The following ATM variants were observed in gnomAD, a reference collection of about 807,000 sequenced individuals.
ATM encodes the protein ATM serine/threonine kinase.
ATM carries 308 observed loss-of-function variants against 387.0 expected under a neutral mutation model. That is an observed-to-expected ratio of 0.80 (90% CI 0.73 to 0.87). ATM has a LOEUF of 0.87. ATM is among the 40% of genes least tolerant of loss of function. ATM has a pLI of 0.00. For missense variants in ATM, 3,312 were observed against 3,560.9 expected (o/e 0.93, Z 1.78); for synonymous variants, 1,156 against 1,187.3 (o/e 0.97, Z 0.54).
intron 39 of ATM, 43 bp downstream of exon 39, chr11:108,310,358 C>T (rs2136022041): frequency 1.3e-6 from 2 of 1,559,430 alleles, no homozygotes; most frequent in Non-Finnish European, 8.8e-7. Context: ...TTAATGTTGG[C>T]ATTGTCTCAA....
intron 61 of ATM, among the ~76,000 whole-genome samples, chr11:108,359,844 G>T (rs999980871): frequency 3.9e-5 from 6 of 152,004 alleles, no homozygotes; most frequent in African/African-American, 1.5e-4. Flanking sequence ...AGAGAAAGCA[G>T]GAAAGATCCA....
chr11:108,312,003 G>A (rs1265889128), intron 39 of ATM, among the ~76,000 whole-genome samples: 1 of 152,124 alleles, frequency 6.6e-6, no homozygotes, highest in Non-Finnish European at 1.5e-5. Context: ...AATATCAGAT[G>A]TCTTAAATTT....
rs199635238 is a variant in ATM at position 108,271,321 on chromosome 11, G to A, written c.2992G>A (p.Val998Met). The A allele has an allele frequency of 1.9e-6, 3 of 1,613,412 alleles. No individual in the cohort carries two copies. The Admixed American group carries it at 5.0e-5, about 27-fold the overall frequency. ...TATTTTAAACCATGTCCTTCATGTAGTGAAAAACCTAGGTCAAAGCAATAT... is the reference window on the plus strand; with the variant it reads ...TATTTTAAACCATGTCCTTCATGTAATGAAAAACCTAGGTCAAAGCAATAT... ...KTILNHVLHV[V>M]KNLGQSNMDS... The change falls in exon 20 of 63, where the codon GTG (valine) becomes ATG (methionine). Residue 998 changes from valine to methionine, a missense_variant. Around this residue, in one of 4 missense-constraint regions of ATM, gnomAD observed 1,791 missense variants for 1,804.5 expected, o/e 0.99. Coordinates refer to ENST00000675843, the MANE Select transcript of ATM (RefSeq NM_000051.4).
intron 47 of ATM, among the ~76,000 whole-genome samples, chr11:108,326,743 G>A (rs987689817): frequency 1.3e-5 from 2 of 152,222 alleles, no homozygotes; most frequent in African/African-American, 2.4e-5. Context: ...AGAGGCATTG[G>A]TGTCCCCAAG....
At chr11:108,239,416 G>T (rs533647141) in intron 5 of ATM, among the ~76,000 whole-genome samples, 37 of 152,256 alleles carry the variant, frequency 2.4e-4, no homozygotes, top group Non-Finnish European at 4.1e-4. Flanking sequence ...TTTGCAACCT[G>T]CTTATTACAC....
chr11:108,229,347 A>G, intron 4 of ATM, 24 bp downstream of exon 4: 2 of 1,605,966 alleles, frequency 1.2e-6, no homozygotes, highest in Non-Finnish European at 1.7e-6. Flanking sequence ...TAAATTATAA[A>G]TAAATGGCTT....
At position 108,251,999 on chromosome 11, in the gene ATM, A is replaced by C; in HGVS notation, c.1770A>C (p.Glu590Asp). 1 of 1,613,314 alleles carries C rather than the reference A, an allele frequency of 6.2e-7. No individual in the cohort carries two copies. The highest frequency in any genetic ancestry group is 2.2e-5 in the East Asian group (1 of 44,850). ...LLFYQLEGDL[E>D]NSTEVPPILH... is the part of the protein sequence containing the mutation. Reference sequence around the variant, plus strand: ...TCTATCAGTTAGAGGGTGACTTAGAAAATAGCACAGAAGTGCCTCCAATTC... The same window carrying C: ...TCTATCAGTTAGAGGGTGACTTAGACAATAGCACAGAAGTGCCTCCAATTC... Residue 590 changes from glutamate (E) to aspartate (D), a missense_variant, in exon 11 of 63, where the codon GAA becomes GAC. Glu to Asp is a conservative substitution (Grantham distance 45, BLOSUM62 2). Transcript: ENST00000675843.
At chr11:108,231,812 A>G (rs1278271396) in intron 4 of ATM, among the ~76,000 whole-genome samples, 2 of 152,042 alleles carry the variant, frequency 1.3e-5, no homozygotes, top group African/African-American at 4.8e-5. Context: ...ACTTGAGTCC[A>G]AAGAATAATG....
Position 108,299,890 on chromosome 11 carries a change from GTATT to G in ATM, c.5177+10_5177+13del. Reference sequence around the variant, plus strand: ...TAACACACTGGTAGAAGATTGGTGAGTATTTATTGATACCTTATATGTAATCTCA... The same window carrying G: ...TAACACACTGGTAGAAGATTGGTGAGTATTGATACCTTATATGTAATCTCA... On this transcript the variant is annotated splice_donor_region_variant and intron_variant, in intron 34 of 62. Transcript: ENST00000675843. 1 of 1,611,474 alleles carries G rather than the reference GTATT, an allele frequency of 6.2e-7. No homozygotes were observed. Among genetic ancestry groups the G allele is most frequent in the Non-Finnish European group, 8.5e-7 (1 of 1,177,928 alleles).
chr11:108,359,436 C>A (rs1299311979), intron 61 of ATM, among the ~76,000 whole-genome samples: 1 of 152,080 alleles, frequency 6.6e-6, no homozygotes, highest in Non-Finnish European at 1.5e-5. Context: ...CAGCTCTGCA[C>A]CAAGCGGACC....
chr11:108,307,066 T>TA (rs1288539052), intron 37 of ATM, among the ~76,000 whole-genome samples: 3 of 152,182 alleles, frequency 2.0e-5, no homozygotes, highest in Admixed American at 2.0e-4. Flanking sequence ...CAGATATTAT[T>TA]ATTATTGCCT....
At chr11:108,261,458 A>C (rs2080881210) in intron 16 of ATM, among the ~76,000 whole-genome samples, 1 of 152,342 alleles carries the variant, frequency 6.6e-6, no homozygotes, top group East Asian at 1.9e-4. Context: ...AACAGAAAGG[A>C]CATCCACACC....
At chr11:108,359,785 A>C (rs1349489458) in intron 61 of ATM, among the ~76,000 whole-genome samples, 1 of 152,190 alleles carries the variant, frequency 6.6e-6, no homozygotes, top group Non-Finnish European at 1.5e-5. Context: ...TCTCTGGGAC[A>C]CATTCAAAGC....
chr11:108,289,229 A>C, intron 28 of ATM, 126 bp downstream of exon 28: 1 of 970,260 alleles, frequency 1.0e-6, no homozygotes, highest in South Asian at 1.7e-5. Context: ...AAAAAGGAAA[A>C]CATTCATTTA....
rs786203048 is a variant in ATM, at chr11:108,281,007, G to A, written c.3415G>A (p.Glu1139Lys). 6.2e-7 allele frequency: 1 copy of A among 1,611,566 alleles called. No homozygotes were observed. Among genetic ancestry groups the A allele is most frequent in the Admixed American group, 1.7e-5 (1 of 59,958 alleles). Residue 1139 changes from glutamate to lysine, a missense_variant, in exon 24 of 63, where the codon GAG becomes AAG. Coordinates refer to ENST00000675843, the MANE Select transcript of ATM (RefSeq NM_000051.4). Reference sequence around the variant, plus strand: ...ATTTCTTTTTAAGTCCCATAGTGCTGAGAACCCTGAAACTTTGGATGAAAT... The same window carrying A: ...ATTTCTTTTTAAGTCCCATAGTGCTAAGAACCCTGAAACTTTGGATGAAAT... The part of the protein sequence containing the change: ...EGMREMSHSA[E>K]NPETLDEIYN...
Position 108,325,294 on chromosome 11 carries a change from A to ATG in ATM, c.6573-14_6573-13dup, listed in dbSNP as rs780211007. The ATG allele has an allele frequency of 1.7e-6, 2 of 1,200,580 alleles. No homozygotes were observed. Among genetic ancestry groups the ATG allele is most frequent in the Non-Finnish European group, 2.4e-6 (2 of 839,286 alleles). The allele number at this position is 1,200,580 out of a possible 1,614,324, so 74.4% of individuals were successfully genotyped here. On this transcript the variant is annotated splice_polypyrimidine_tract_variant and intron_variant, in intron 45 of 62. Coordinates refer to ENST00000675843, the MANE Select transcript of ATM (RefSeq NM_000051.4). The stretch of plus-strand genomic sequence containing the variant: ...CATTTCTCTTGCTTACATGAACTCT[A>ATG]TGTCGTGGCATTCAGATCAGTCACA...
At chr11:108,346,034 C>T (rs897232377) in intron 58 of ATM, 126 bp downstream of exon 58, 1 of 1,014,372 alleles carries the variant, frequency 9.9e-7, no homozygotes, top group South Asian at 1.4e-5. Context: ...TGGTTAGTAA[C>T]CAACCCATCT....
chr11:108,273,622 G>A lies in ATM; in HGVS notation c.3284+770G>A, dbSNP rs573347957. Among the ~76,000 whole-genome samples the A allele has an allele frequency of 3.9e-5, 6 of 152,068 alleles. No homozygotes were observed. In the East Asian group the frequency reaches 9.7e-4, roughly 25 times the overall value. On this transcript the variant is annotated intron_variant, in intron 22 of 62. Transcript: ENST00000675843. ...CTCCCAAAGTGCTGAGATTACAGGC[G>A]TGAGCCTTTAATCATGTAGTTTTTG...
intron 4 of ATM, among the ~76,000 whole-genome samples, chr11:108,235,295 CAAA>C (rs781029926): frequency 6.4e-5 from 5 of 77,710 alleles, no homozygotes; most frequent in Admixed American, 1.5e-4. Flanking sequence ...GATTCCATCT[CAAA>C]AAAAAAAAAA....
Sources: allele counts gnomAD v4.1 joint callset (sites outside exome capture counted in the v4.1 genomes callset), GRCh38; gene constraint gnomAD v4.1.1; regional missense constraint gnomAD v4.1.1; transcripts MANE v1.5; gene names NCBI Gene and HGNC (gene_info 2026-07-23, HGNC 2026-07-21).